Variants in CDYL observed in about 807,000 individuals in gnomAD.
The protein encoded by CDYL is chromodomain Y like.
A neutral mutation model predicts 47.3 loss-of-function variants in CDYL; 8 were observed. The observed-to-expected ratio is 0.17, with a 90% CI of 0.10 to 0.31. The LOEUF is 0.31. Ranked by LOEUF, CDYL falls within the 10% of genes least tolerant of loss-of-function variation. The pLI, the probability that CDYL is intolerant of heterozygous loss-of-function variation, is 1.00. For missense variants in CDYL, 471 were observed against 701.4 expected, an observed-to-expected ratio of 0.67 and a Z score of 3.71; for synonymous variants, 266 against 265.0, an observed-to-expected ratio of 1.00 and a Z score of -0.04.
intron 1 of CDYL, among the ~76,000 whole-genome samples, chr6:4,886,158 C>T (rs1364628734): frequency 1.3e-5 from 2 of 152,230 alleles, no homozygotes; most frequent in Non-Finnish European, 2.9e-5. Flanking sequence ...AATAGACATT[C>T]GGATTGTTTC....
At chr6:4,715,684 C>G in intron 1 of CDYL, 9 of 1,505,006 alleles carry the variant, frequency 6.0e-6, no homozygotes, top group Non-Finnish European at 7.2e-6. Context: ...TGCCATGAGC[C>G]TTGGGTTTTT....
intron 1 of CDYL, among the ~76,000 whole-genome samples, chr6:4,796,957 T>C (rs1759089490): frequency 2.0e-5 from 3 of 152,224 alleles, no homozygotes; most frequent in African/African-American, 4.8e-5. Context: ...TTTGCTGTGT[T>C]GAACTATACA....
chr6:4,821,234 G>T (rs1759825267), intron 1 of CDYL, among the ~76,000 whole-genome samples: 2 of 148,004 alleles, frequency 1.4e-5, no homozygotes, highest in South Asian at 4.3e-4. Flanking sequence ...CAGAGGAGAG[G>T]TGATTATCAT....
At chr6:4,743,288 C>T (rs62384817) in intron 3 of CDYL, among the ~76,000 whole-genome samples, 8,737 of 152,278 alleles carry the variant, frequency 0.057, 377 homozygotes, top group Middle Eastern at 0.092. Context: ...GATGGGCTTG[C>T]ACTCACTGGA....
intron 1 of CDYL, among the ~76,000 whole-genome samples, chr6:4,802,840 C>T (rs1306062011): frequency 8.5e-5 from 1 of 11,832 alleles, no homozygotes; most frequent in Admixed American, 9.2e-4. Context: ...GGAGGGTGGG[C>T]GGGAGAGGTT....
At chr6:4,881,955 T>A (rs191030488) in intron 1 of CDYL, among the ~76,000 whole-genome samples, 1 of 152,330 alleles carries the variant, frequency 6.6e-6, no homozygotes, top group East Asian at 1.9e-4. Context: ...AAGACAAAAG[T>A]CATTTCTCCT....
At chr6:4,792,916 C>T (rs1313779489) in intron 1 of CDYL, among the ~76,000 whole-genome samples, 1 of 152,118 alleles carries the variant, frequency 6.6e-6, no homozygotes, top group Non-Finnish European at 1.5e-5. Flanking sequence ...TCCATAGGCA[C>T]TGTTTAGTAA....
chr6:4,747,439 G>T (rs991877219), intron 3 of CDYL, among the ~76,000 whole-genome samples: 1 of 151,958 alleles, frequency 6.6e-6, no homozygotes, highest in Non-Finnish European at 1.5e-5. Context: ...ATTTATTTAT[G>T]TATTTGTGAT....
chr6:4,715,727 G>C, intron 1 of CDYL: 1 of 1,608,576 alleles, frequency 6.2e-7, no homozygotes, highest in African/African-American at 1.3e-5. Context: ...CTCTTGTTGG[G>C]ATTGTAATTG....
intron 1 of CDYL, among the ~76,000 whole-genome samples, chr6:4,798,213 T>C (rs1581173301): frequency 6.6e-6 from 1 of 152,280 alleles, no homozygotes; most frequent in South Asian, 2.1e-4. Context: ...GCTCCAGCAA[T>C]CTGCCCACCT....
chr6:4,906,046 G>A (rs770481394), intron 2 of CDYL, among the ~76,000 whole-genome samples: 7 of 152,132 alleles, frequency 4.6e-5, no homozygotes, highest in Non-Finnish European at 8.8e-5. Context: ...GTAAGATGAC[G>A]TGGTCTCTAA....
At chr6:4,707,222 T>C (rs1327872647) in intron 1 of CDYL, among the ~76,000 whole-genome samples, 1 of 152,194 alleles carries the variant, frequency 6.6e-6, no homozygotes, top group East Asian at 1.9e-4. Context: ...CTCAAGTCAT[T>C]TGTCCAAGAT....
intron 1 of CDYL, among the ~76,000 whole-genome samples, chr6:4,838,314 C>G (rs1451801255): frequency 2.6e-5 from 4 of 151,986 alleles, no homozygotes; most frequent in Non-Finnish European, 2.9e-5. Flanking sequence ...CCCCTCCCAC[C>G]CTTTCCCCCA....
At chr6:4,785,083 A>AAGT (rs1371281851) in intron 1 of CDYL, among the ~76,000 whole-genome samples, 1 of 152,208 alleles carries the variant, frequency 6.6e-6, no homozygotes, top group African/African-American at 2.4e-5. Context: ...ACTAATACAC[A>AAGT]AGTCCTCACT....
chr6:4,816,155 C>G (rs928376578), intron 1 of CDYL, among the ~76,000 whole-genome samples: 1 of 151,756 alleles, frequency 6.6e-6, no homozygotes. Flanking sequence ...TCTGAAGTTT[C>G]TGTTCAGCTT....
chr6:4,787,300 T>G (rs1758780666), intron 1 of CDYL, among the ~76,000 whole-genome samples: 1 of 152,110 alleles, frequency 6.6e-6, no homozygotes. Context: ...TCCTTCAGAG[T>G]GCACCTAGAC....
chr6:4,778,326 G>A (rs1442342697), intron 1 of CDYL, among the ~76,000 whole-genome samples: 2 of 152,220 alleles, frequency 1.3e-5, no homozygotes, highest in Admixed American at 6.5e-5. Context: ...ATCAGTGGAT[G>A]AGAGTAGCAC....
In CDYL at chr6:4,756,573, C is replaced by CGTGTGTGTGTGT. The variant is rs1228739911; in HGVS notation, c.186+21735_186+21736insGTGTGTGTGTGT. ...TAGTAATTGTAGTAATTAAAATTAT[C>CGTGTGTGTGTGT]GTGTGTATGTGTGTGTGTGTGTGTG... On this transcript the variant is annotated intron_variant, in intron 3 of 8. Coordinates refer to the CDYL transcript ENST00000328908. Among the ~76,000 whole-genome samples, 116 of 125,280 alleles carry CGTGTGTGTGTGT rather than the reference C, an allele frequency of 9.3e-4. 1 individual carries two copies. The highest frequency in any genetic ancestry group is 4.4e-3 in the African/African-American group (111 of 25,364). 82.2% of individuals were successfully genotyped at this position (125,280 alleles called of 152,430 possible).
At chr6:4,934,231 G>A (rs903136286) in intron 2 of CDYL, among the ~76,000 whole-genome samples, 1 of 152,154 alleles carries the variant, frequency 6.6e-6, no homozygotes, top group Admixed American at 6.5e-5. Context: ...GGGATCCTGT[G>A]TAAACAGGAT....
Sources: gnomAD v4.1 joint callset for allele counts (sites outside exome capture counted in the v4.1 genomes callset) on GRCh38, gnomAD v4.1.1 for gene constraint, MANE v1.5 for transcripts, NCBI Gene and HGNC (gene_info 2026-07-23, HGNC 2026-07-21) for gene names.